SARS2: variants seen among roughly 807,000 people sequenced by gnomAD.
SARS2 encodes seryl-tRNA synthetase 2, mitochondrial.
A neutral mutation model predicts 66.8 loss-of-function variants in SARS2; 52 were observed. The observed-to-expected ratio is 0.78, with a 90% CI of 0.62 to 0.98. SARS2 has a LOEUF of 0.98. SARS2 is among the 50% of genes least tolerant of loss of function. The probability of loss-of-function intolerance (pLI) is 0.00; values close to 1 mark genes in which losing one functional copy is unlikely to be tolerated. For synonymous variants in SARS2, 306 were observed against 281.4 expected, an observed-to-expected ratio of 1.09 and a Z score of -0.87; for missense variants, 673 against 706.3, an observed-to-expected ratio of 0.95 and a Z score of 0.53.
chr19:38,923,936 T>G (rs1475668574), intron 2 of SARS2, among the ~76,000 whole-genome samples: 1 of 151,410 alleles, frequency 6.6e-6, no homozygotes, highest in Non-Finnish European at 1.5e-5. Flanking sequence ...ATAGTGCCAC[T>G]GCAGTCTGGC....
intron 2 of SARS2, among the ~76,000 whole-genome samples, chr19:38,923,826 T>C (rs1352560348): frequency 2.6e-5 from 4 of 151,844 alleles, no homozygotes; most frequent in African/African-American, 9.7e-5. Context: ...GAAAAAAAAT[T>C]AGCTGGGCGC....
At chr19:38,927,253 T>TA (rs1192656142) in intron 1 of SARS2, among the ~76,000 whole-genome samples, 1 of 152,040 alleles carries the variant, frequency 6.6e-6, no homozygotes, top group South Asian at 2.1e-4. Context: ...AAAAAAACTT[T>TA]AAAAAAATTA....
intron 3 of SARS2, 34 bp downstream of exon 3, chr19:38,922,204 C>G (rs750729993): frequency 1.2e-6 from 2 of 1,613,202 alleles, no homozygotes; most frequent in Non-Finnish European, 1.7e-6. Context: ...TGCCCACCCC[C>G]AACCCTGGAT....
Position 38,915,518 on chromosome 19 carries a change from C to A in SARS2, c.*88G>T. On this transcript the variant is annotated 3_prime_UTR_variant, in exon 16 of 16. Transcript: ENST00000221431. ...GACAGGAAGAACACAGATGTCAGGA[C>A]GGGCTCAGCAACACAGGTCCCAGGT... is the stretch of plus-strand genomic sequence containing the variant. 2 of 1,508,214 alleles carry A rather than the reference C, an allele frequency of 1.3e-6. No individual in the cohort carries two copies. Among genetic ancestry groups the A allele is most frequent in the South Asian group, 1.2e-5 (1 of 86,464 alleles). 93.4% of individuals were successfully genotyped at this position (1,508,214 alleles called of 1,614,324 possible).
chr19:38,916,343 G>A, intron 12 of SARS2, 29 bp from the exon 13 acceptor site: 1 of 1,590,992 alleles, frequency 6.3e-7, no homozygotes, highest in Non-Finnish European at 8.6e-7. Context: ...GTGTGGGGAA[G>A]GTCAGCGGGT....
intron 1 of SARS2, among the ~76,000 whole-genome samples, chr19:38,928,109 T>G (rs1974660261): frequency 1.3e-5 from 2 of 151,822 alleles, no homozygotes; most frequent in Admixed American, 1.3e-4. Flanking sequence ...CCAGGCGCAG[T>G]GGCTCATGCC....
intron 5 of SARS2, among the ~76,000 whole-genome samples, chr19:38,921,062 C>G (rs56670888): frequency 1.0e-5 from 1 of 97,974 alleles, no homozygotes; most frequent in African/African-American, 6.8e-5. Context: ...CAGACACACA[C>G]ATACAGATAC....
rs1974391646 is a variant in SARS2 at position 38,915,464 on chromosome 19, C to T, written c.*142G>A. The T allele has an allele frequency of 1.1e-6, 1 of 906,642 alleles. No individual in the cohort carries two copies. The highest frequency in any genetic ancestry group is 1.7e-6 in the Non-Finnish European group (1 of 586,796). 56.2% of individuals were successfully genotyped at this position (906,642 alleles called of 1,614,324 possible). A position where few individuals can be genotyped will look rare whatever the true frequency, so the allele number is the denominator to read the frequency against. On this transcript the variant is annotated 3_prime_UTR_variant, in exon 16 of 16. Transcript: ENST00000221431. ...AGCAAGGACAGAGGAGAGGTGGACC[C>T]CGTGGTCCAGGGGCCCGGGCGTGGA...
rs551261504 is a variant in SARS2 at position 38,918,826 on chromosome 19, G to A, written c.760-13C>T. 6.4e-7 allele frequency: 1 copy of A among 1,557,068 alleles called. No homozygotes were observed. The highest frequency in any genetic ancestry group is 8.7e-7 in the Non-Finnish European group (1 of 1,149,488). On this transcript the variant is annotated splice_polypyrimidine_tract_variant and intron_variant, in intron 7 of 15. Coordinates refer to ENST00000221431, the MANE Select transcript of SARS2 (RefSeq NM_017827.4). Reference sequence around the variant, plus strand: ...TGGGGGTGAAGCCCTGTTCAGGGGAGAGGATGAGTGAGCAGAGCTGGGACC... The same window carrying A: ...TGGGGGTGAAGCCCTGTTCAGGGGAAAGGATGAGTGAGCAGAGCTGGGACC...
At position 38,921,293 on chromosome 19, in the gene SARS2, C is replaced by T. The variant is rs1262796617; in HGVS notation, c.589+99G>A. ...CCTGTACCGCCAGGAGTTCTCCAGG[C>T]TCCAGACATGTTCCCAGACCCCAGG... On this transcript the variant is annotated intron_variant, in intron 5 of 15. Coordinates refer to ENST00000221431, the MANE Select transcript of SARS2 (RefSeq NM_017827.4). The T allele has an allele frequency of 4.7e-6, 6 of 1,281,974 alleles. No individual in the cohort carries two copies. The Admixed American group carries it at 9.7e-5, about 21-fold the overall frequency. The allele number at this position is 1,281,974 out of a possible 1,614,324, so 79.4% of individuals were successfully genotyped here.
At chr19:38,916,568 C>T (rs1035275125) in intron 12 of SARS2, among the ~76,000 whole-genome samples, 1 of 146,464 alleles carries the variant, frequency 6.8e-6, no homozygotes, top group Non-Finnish European at 1.5e-5. Flanking sequence ...GGGGGAAGCA[C>T]AAAAGAGGTT....
At chr19:38,928,524 T>C (rs1279675472) in intron 1 of SARS2, among the ~76,000 whole-genome samples, 2 of 149,342 alleles carry the variant, frequency 1.3e-5, no homozygotes, top group Non-Finnish European at 3.0e-5. Flanking sequence ...TAATTGTTAA[T>C]GAAACCGGTT....
chr19:38,922,574 G>A (rs575228701), intron 2 of SARS2, among the ~76,000 whole-genome samples: 1 of 152,288 alleles, frequency 6.6e-6, no homozygotes, highest in South Asian at 2.1e-4. Context: ...AGGCATTCGT[G>A]TAAACCCTGT....
At chr19:38,919,358 T>C (rs1974476984) in intron 7 of SARS2, among the ~76,000 whole-genome samples, 1 of 152,152 alleles carries the variant, frequency 6.6e-6, no homozygotes, top group African/African-American at 2.4e-5. Context: ...CCTAGTACCC[T>C]CTGAAAATGT....
Position 38,915,692 on chromosome 19 carries a change from T to C in SARS2, c.1471A>G (p.Thr491Ala). 2 of 1,613,190 alleles carry C rather than the reference T, an allele frequency of 1.2e-6. No individual in the cohort carries two copies. Among genetic ancestry groups the C allele is most frequent in the Non-Finnish European group, 1.7e-6 (2 of 1,179,546 alleles). ...LQSYLGTDRI[T>A]APTHVPLQYI... ...TGGAGAGGCACGTGGGTAGGGGCTG[T>C]GATCCGATCAGTGCCGAGGTAGGAC... The change falls in exon 16 of 16, where the codon ACA becomes GCA. Residue 491 changes from threonine to alanine, a missense_variant. Thr to Ala is a moderately conservative substitution (Grantham distance 58). Transcript: ENST00000221431.
In SARS2 at chr19:38,915,546, C is replaced by T; in HGVS notation, c.*60G>A. On this transcript the variant is annotated 3_prime_UTR_variant, in exon 16 of 16. Coordinates refer to ENST00000221431, the MANE Select transcript of SARS2 (RefSeq NM_017827.4). ...GCTCAGCAACACAGGTCCCAGGTGT[C>T]CGGGGTCTCCTGAACTCCAGGAAGC... The T allele has an allele frequency of 6.3e-7, 1 of 1,593,766 alleles. No individual in the cohort carries two copies. The highest frequency in any genetic ancestry group is 8.5e-7 in the Non-Finnish European group (1 of 1,171,894).
At chr19:38,917,485 C>T (rs1481381630) in intron 12 of SARS2, among the ~76,000 whole-genome samples, 5 of 152,180 alleles carry the variant, frequency 3.3e-5, no homozygotes, top group Admixed American at 6.5e-5. Context: ...GAAAGGGGCC[C>T]GGGTCTCCAC....
At chr19:38,919,720 G>A (rs768757496) in intron 7 of SARS2, 42 bp downstream of exon 7, 16 of 1,531,574 alleles carry the variant, frequency 1.0e-5, no homozygotes, top group Middle Eastern at 1.7e-4. Flanking sequence ...GCTCAGCTTC[G>A]ATGCCACCCC....
chr19:38,922,280 A>G lies in SARS2; in HGVS notation c.364-13T>C, dbSNP rs1345087988. 7 of 1,613,990 alleles carry G rather than the reference A, an allele frequency of 4.3e-6. No individual in the cohort carries two copies. Among genetic ancestry groups the G allele is most frequent in the Non-Finnish European group, 5.9e-6 (7 of 1,179,914 alleles). On this transcript the variant is annotated splice_polypyrimidine_tract_variant and intron_variant, in intron 2 of 15. Transcript: ENST00000221431. The stretch of plus-strand genomic sequence containing the variant: ...TGTCCTGGTTTGCCTGGTAGAAAAG[A>G]GACAGGGTGGGTGATTAGGTTGACA...
Sources: allele counts gnomAD v4.1 joint callset (sites outside exome capture counted in the v4.1 genomes callset), GRCh38; gene constraint gnomAD v4.1.1; transcripts MANE v1.5; gene names NCBI Gene and HGNC (gene_info 2026-07-23, HGNC 2026-07-21).